Variants in KCNK2 observed in about 807,000 individuals in gnomAD.
KCNK2 encodes the protein potassium channel subfamily K member 2.
KCNK2 carries 21 observed loss-of-function variants against 40.5 expected under a neutral mutation model. The observed-to-expected ratio is 0.52, with a 90% confidence interval of 0.37 to 0.75. KCNK2 has a LOEUF of 0.75. Ranked by LOEUF, KCNK2 falls within the 30% of genes least tolerant of loss-of-function variation. KCNK2 has a pLI of 0.00. For missense variants in KCNK2, 399 were observed against 531.6 expected (o/e 0.75, Z 2.45); for synonymous variants, 191 against 202.2 (o/e 0.94, Z 0.47).
chr1:215,212,548 G>T (rs957726068), intron 6 of KCNK2, among the ~76,000 whole-genome samples: 9 of 152,170 alleles, frequency 5.9e-5, no homozygotes, highest in African/African-American at 2.2e-4. Flanking sequence ...AAAGTGAAAG[G>T]GTGCTTAGAG....
At chr1:215,027,281 T>C (rs1401000532) in intron 1 of KCNK2, among the ~76,000 whole-genome samples, 1 of 152,202 alleles carries the variant, frequency 6.6e-6, no homozygotes, top group Admixed American at 6.5e-5. Flanking sequence ...CAAATTAATA[T>C]TGAATAAACA....
intron 6 of KCNK2, among the ~76,000 whole-genome samples, chr1:215,205,250 T>A (rs779599817): frequency 5.1e-4 from 78 of 152,080 alleles, no homozygotes; most frequent in Admixed American, 9.8e-4. Flanking sequence ...GGAAGAAGAT[T>A]TTTTTTTGAC....
chr1:215,205,647 T>C (rs751203858), intron 6 of KCNK2, among the ~76,000 whole-genome samples: 20 of 152,164 alleles, frequency 1.3e-4, no homozygotes, highest in Non-Finnish European at 2.9e-4. Flanking sequence ...GGTCCCTGAG[T>C]AACTACAATG....
intron 1 of KCNK2, among the ~76,000 whole-genome samples, chr1:215,076,793 C>A (rs1159383344): frequency 1.3e-5 from 2 of 152,140 alleles, no homozygotes; most frequent in African/African-American, 4.8e-5. Flanking sequence ...CTTAGGGACC[C>A]CCCACAGAGC....
At position 215,184,593 on chromosome 1, in the gene KCNK2, C is replaced by A. The variant is rs1233938892; in HGVS notation, c.824-10360C>A. On this transcript the variant is annotated intron_variant, in intron 5 of 6. Transcript: ENST00000444842. ...CTTACAATCATAGCAAAAGGGGAAG[C>A]AAACATGTCCTTCTTCACATAGTGA... is the stretch of plus-strand genomic sequence containing the variant. Among the ~76,000 whole-genome samples, 3 of 152,086 alleles carry A rather than the reference C, an allele frequency of 2.0e-5. No individual in the cohort carries two copies. The East Asian group carries it at 5.8e-4, about 29-fold the overall frequency.
intron 5 of KCNK2, among the ~76,000 whole-genome samples, chr1:215,188,557 A>C (rs1296507521): frequency 6.6e-6 from 1 of 152,124 alleles, no homozygotes; most frequent in East Asian, 1.9e-4. Context: ...TTTTATTATG[A>C]AAACATAAAT....
At chr1:215,222,932 G>A (rs1666240164) in intron 6 of KCNK2, among the ~76,000 whole-genome samples, 1 of 152,026 alleles carries the variant, frequency 6.6e-6, no homozygotes, top group South Asian at 2.1e-4. Context: ...TTTAGCTAGA[G>A]GGATGTTTTT....
chr1:215,017,655 A>T (rs1167973757), intron 1 of KCNK2, among the ~76,000 whole-genome samples: 2 of 152,090 alleles, frequency 1.3e-5, no homozygotes, highest in Non-Finnish European at 1.5e-5. Context: ...AATTCAAGAG[A>T]TTTATTGTAC....
intron 2 of KCNK2, among the ~76,000 whole-genome samples, chr1:215,106,890 G>C (rs2102557500): frequency 6.6e-6 from 1 of 152,114 alleles, no homozygotes; most frequent in South Asian, 2.1e-4. Context: ...AGATAAGATG[G>C]TTGTAGGTGT....
At chr1:215,167,251 A>G (rs1663487010) in intron 3 of KCNK2, among the ~76,000 whole-genome samples, 1 of 152,084 alleles carries the variant, frequency 6.6e-6, no homozygotes, top group Non-Finnish European at 1.5e-5. Context: ...GAAAATCTCA[A>G]TGGATTCCAA....
Position 215,082,752 on chromosome 1 carries a change from G to A in KCNK2, c.-634G>A, listed in dbSNP as rs1357038905. On this transcript the variant is annotated 5_prime_UTR_variant, in exon 1 of 7. Transcript: ENST00000444842. ...GAAAGGAGGGAAACGAGCCGGCAAGGGGCGACAGGAGCGAGCCGGGAAGGG... is the reference window on the plus strand; with the variant it reads ...GAAAGGAGGGAAACGAGCCGGCAAGAGGCGACAGGAGCGAGCCGGGAAGGG... Among the ~76,000 whole-genome samples the A allele has an allele frequency of 1.3e-5, 2 of 152,008 alleles. No individual in the cohort carries two copies.
At chr1:215,037,710 A>G (rs1159843588) in intron 1 of KCNK2, among the ~76,000 whole-genome samples, 1 of 151,972 alleles carries the variant, frequency 6.6e-6, no homozygotes, top group Non-Finnish European at 1.5e-5. Flanking sequence ...AACAATTAAT[A>G]ATGAATATTA....
intron 2 of KCNK2, among the ~76,000 whole-genome samples, chr1:215,095,649 G>T (rs1659944615): frequency 6.6e-6 from 1 of 152,046 alleles, no homozygotes; most frequent in African/African-American, 2.4e-5. Context: ...TTATGGGGTT[G>T]CGTTTTTTTC....
intron 1 of KCNK2, among the ~76,000 whole-genome samples, chr1:215,048,667 C>T (rs143026665): frequency 8.0e-4 from 122 of 152,198 alleles, no homozygotes; most frequent in Admixed American, 6.8e-3. Context: ...AAATTGTATG[C>T]CCTTTTTTGC....
intron 1 of KCNK2, among the ~76,000 whole-genome samples, chr1:215,062,954 A>T (rs1658408477): frequency 6.6e-6 from 1 of 152,146 alleles, no homozygotes; most frequent in African/African-American, 2.4e-5. Flanking sequence ...ATACAATGGG[A>T]TAAGAATGAA....
intron 3 of KCNK2, among the ~76,000 whole-genome samples, chr1:215,154,748 A>G (rs907250508): frequency 9.2e-5 from 14 of 151,916 alleles, no homozygotes; most frequent in Admixed American, 7.9e-4. Context: ...ATCTTGAGTT[A>G]ATTTTTGTAT....
At chr1:215,036,857 T>C (rs1657402657) in intron 1 of KCNK2, among the ~76,000 whole-genome samples, 2 of 151,960 alleles carry the variant, frequency 1.3e-5, no homozygotes, top group African/African-American at 2.4e-5. Context: ...ACACTGATTT[T>C]ATGTTTTGAG....
intron 6 of KCNK2, among the ~76,000 whole-genome samples, chr1:215,197,721 C>T (rs993098941): frequency 4.6e-5 from 7 of 152,056 alleles, no homozygotes; most frequent in Non-Finnish European, 7.4e-5. Context: ...AAAACAAGAC[C>T]GGGTGGGGTT....
At chr1:215,019,511 G>C (rs973574162) in intron 1 of KCNK2, among the ~76,000 whole-genome samples, 5 of 152,198 alleles carry the variant, frequency 3.3e-5, no homozygotes, top group Non-Finnish European at 5.9e-5. Flanking sequence ...TGCCGCATCT[G>C]TTCCGACTGG....
Sources: allele counts gnomAD v4.1 joint callset (sites outside exome capture counted in the v4.1 genomes callset), GRCh38; gene constraint gnomAD v4.1.1; transcripts MANE v1.5; gene names NCBI Gene and HGNC (gene_info 2026-07-23, HGNC 2026-07-21).